Variants in ARID1A observed in about 807,000 individuals in gnomAD.
The protein encoded by ARID1A is AT-rich interactive domain-containing protein 1A.
In ARID1A, 20 loss-of-function variants were observed where a neutral mutation model predicts 212.6. The ratio of observed to expected loss-of-function variants is 0.09; its 90% CI spans 0.07 to 0.14. The LOEUF is 0.14. Among genes scored for constraint, ARID1A ranks in the 10% least tolerant of loss-of-function variants. ARID1A has a pLI of 1.00. For synonymous variants in ARID1A, 1,376 were observed against 1,222.1 expected (o/e 1.13, Z -2.63); for missense variants, 2,587 against 3,059.0 (o/e 0.85, Z 3.64).
intron 4 of ARID1A, among the ~76,000 whole-genome samples, chr1:26,738,345 T>C (rs1428343054): frequency 2.6e-5 from 4 of 152,106 alleles, no homozygotes; most frequent in Non-Finnish European, 5.9e-5. Flanking sequence ...TTAGCACCCA[T>C]ACTTCTTGTT....
intron 4 of ARID1A, among the ~76,000 whole-genome samples, chr1:26,747,095 G>T (rs78634538): frequency 6.6e-6 from 1 of 152,040 alleles, no homozygotes; most frequent in Non-Finnish European, 1.5e-5. Context: ...TAAATCAAGC[G>T]TAGAATTAGC....
chr1:26,773,201 T>C, intron 14 of ARID1A, 145 bp from the exon 15 acceptor site: 4 of 1,299,646 alleles, frequency 3.1e-6, no homozygotes, highest in South Asian at 3.0e-5. Context: ...TTTTCGCTGG[T>C]TGGGGCCTCT....
chr1:26,771,314 C>T lies in ARID1A; in HGVS notation c.3394C>T (p.Pro1132Ser), dbSNP rs2124098539. The T allele has an allele frequency of 6.2e-7, 1 of 1,614,170 alleles. No homozygotes were observed. Among genetic ancestry groups the T allele is most frequent in the Non-Finnish European group, 8.5e-7 (1 of 1,180,026 alleles). Residue 1132 changes from proline (P) to serine (S), a missense_variant, in exon 12 of 20, where the codon CCT becomes TCT. This residue lies in a region of ARID1A where 890 missense variants were observed against 1,098.2 expected (regional missense o/e 0.81). Transcript: ENST00000324856. The surrounding 1 kb of genome is among the most constrained non-coding windows in gnomAD (Gnocchi z 5.4). ...DSKKSQPKIQ[P>S]PSPAGSGSMQ... The stretch of plus-strand genomic sequence containing the variant: ...CAAGAAGTCCCAGCCCAAGATCCAG[C>T]CTCCCTCTCCTGGTAAGGATGGGGT...
chr1:26,696,651 G>A lies in ARID1A; in HGVS notation c.248G>A (p.Gly83Asp), dbSNP rs1220059056. 7.7e-7 allele frequency: 1 copy of A among 1,304,270 alleles called. No individual in the cohort carries two copies. Among genetic ancestry groups the A allele is most frequent in the Non-Finnish European group, 9.7e-7 (1 of 1,030,168 alleles). The allele number at this position is 1,304,270 out of a possible 1,614,324, so 80.8% of individuals were successfully genotyped here. The change falls in exon 1 of 20, where the codon GGC (glycine) becomes GAC (aspartate). Residue 83 changes from glycine (G) to aspartate (D), a missense_variant. Coordinates refer to ENST00000324856, the MANE Select transcript of ARID1A (RefSeq NM_006015.6). ...LQDGAESNGGGGGGGAGSGGG... is the reference protein window; with the variant it reads ...LQDGAESNGGDGGGGAGSGGG... ...GACGGGGCCGAGAGCAATGGGGGTG[G>A]CGGCGGCGGCGGAGCCGGCAGCGGC...
chr1:26,776,534 A>G (rs2081138002), intron 19 of ARID1A, among the ~76,000 whole-genome samples: 1 of 148,064 alleles, frequency 6.8e-6, no homozygotes, highest in African/African-American at 2.5e-5. Context: ...CAGCCTCCCA[A>G]AGTGCTGGGA....
At chr1:26,745,412 T>C (rs540282791) in intron 4 of ARID1A, among the ~76,000 whole-genome samples, 1 of 152,150 alleles carries the variant, frequency 6.6e-6, no homozygotes, top group Admixed American at 6.5e-5. Context: ...TTTGATCTAA[T>C]CTCATGAGTC....
intron 11 of ARID1A, chr1:26,769,701 A>G (rs932986616): frequency 6.6e-6 from 1 of 152,216 alleles, no homozygotes; most frequent in Non-Finnish European, 1.5e-5. Context: ...TCCTTTGTGT[A>G]TAGGGACTTG....
chr1:26,779,538 G>C lies in ARID1A; in HGVS notation c.5640G>C (p.Lys1880Asn), dbSNP rs2124141279. 1 of 1,614,154 alleles carries C rather than the reference G, an allele frequency of 6.2e-7. No homozygotes were observed. Among genetic ancestry groups the C allele is most frequent in the Non-Finnish European group, 8.5e-7 (1 of 1,180,028 alleles). Residue 1880 changes from lysine (K) to asparagine (N), a missense_variant, in exon 20 of 20, where the codon AAG becomes AAC. By Grantham distance (94) the Lys-to-Asn change is moderately conservative (BLOSUM62 0). Coordinates refer to ENST00000324856, the MANE Select transcript of ARID1A (RefSeq NM_006015.6). ...PHAPCPPAPR[K>N]HVTTAEGTPG... is the part of the protein sequence containing the mutation. Reference sequence around the variant, plus strand: ...CACCCTGCCCACCAGCCCCTCGGAAGCATGTGACAACAGCAGAGGGTACAC... The same window carrying C: ...CACCCTGCCCACCAGCCCCTCGGAACCATGTGACAACAGCAGAGGGTACAC...
intron 4 of ARID1A, among the ~76,000 whole-genome samples, chr1:26,741,038 C>T (rs549233124): frequency 6.6e-6 from 1 of 152,272 alleles, no homozygotes; most frequent in South Asian, 2.1e-4. Flanking sequence ...GAAACTGAAA[C>T]TTGGGTAAGA....
Position 26,763,210 on chromosome 1 carries a change from C to T in ARID1A, c.2657C>T (p.Pro886Leu), listed in dbSNP as rs2081008653. ...CAGGTTGGGTCAGGGATGTGTCCCCCACCAGGGGGCATGAACCGGAAAACC... is the reference window on the plus strand; with the variant it reads ...CAGGTTGGGTCAGGGATGTGTCCCCTACCAGGGGGCATGAACCGGAAAACC... ...PPQVGSGMCPPPGGMNRKTQE... is the reference protein window; with the variant it reads ...PPQVGSGMCPLPGGMNRKTQE... The change falls in exon 8 of 20, where the codon CCA (proline) becomes CTA (leucine). Residue 886 changes from proline (P) to leucine (L), a missense_variant. By Grantham distance (98) the Pro-to-Leu change is moderately conservative. Around this residue, in one of 11 missense-constraint regions of ARID1A, gnomAD observed 674 missense variants for 813.4 expected, o/e 0.83. Transcript: ENST00000324856. 1 of 1,614,056 alleles carries T rather than the reference C, an allele frequency of 6.2e-7. No individual in the cohort carries two copies. Among genetic ancestry groups the T allele is most frequent in the Non-Finnish European group, 8.5e-7 (1 of 1,179,886 alleles).
At chr1:26,749,140 C>T (rs989976236) in intron 4 of ARID1A, among the ~76,000 whole-genome samples, 1 of 151,954 alleles carries the variant, frequency 6.6e-6, no homozygotes, top group African/African-American at 2.4e-5. Context: ...ACTCCAGCCT[C>T]GGTGACAGAG....
rs2124788789 is a variant in ARID1A at position 26,731,332 on chromosome 1, C to A, written c.1531C>A (p.Leu511Ile). Reference protein sequence around the residue: ...QQQPQSQPPQLQSSQPPYSQQ... With the variant: ...QQQPQSQPPQIQSSQPPYSQQ... ...GCAGCCACAGTCTCAACCACCACAGCTCCAGTCCTCTCAGCCTCCATACTC... is the reference window on the plus strand; with the variant it reads ...GCAGCCACAGTCTCAACCACCACAGATCCAGTCCTCTCAGCCTCCATACTC... The change falls in exon 3 of 20, where the codon CTC becomes ATC. Residue 511 changes from leucine to isoleucine, a missense_variant. By Grantham distance (5) the Leu-to-Ile change is conservative. Coordinates refer to ENST00000324856, the MANE Select transcript of ARID1A (RefSeq NM_006015.6). The A allele has an allele frequency of 2.5e-6, 4 of 1,613,906 alleles. No individual in the cohort carries two copies. The highest frequency in any genetic ancestry group is 3.4e-6 in the Non-Finnish European group (4 of 1,179,982).
In ARID1A at chr1:26,773,455, A is replaced by G. The variant is rs2124111281; in HGVS notation, c.3825A>G (p.Pro1275=). The G allele has an allele frequency of 6.2e-7, 1 of 1,613,690 alleles. No individual in the cohort carries two copies. The highest frequency in any genetic ancestry group is 8.5e-7 in the Non-Finnish European group (1 of 1,179,796). Reference sequence around the variant, plus strand: ...GGCTAGGAAATGTGGCGATGGGACCACGACAGCACTATCCCTATGGAGGTC... The same window carrying G: ...GGCTAGGAAATGTGGCGATGGGACCGCGACAGCACTATCCCTATGGAGGTC... ...GPGLGNVAMG[P]RQHYPYGGPY... The change falls in exon 15 of 20, where the codon CCA becomes CCG. Residue 1275 remains proline (P), a synonymous_variant. Transcript: ENST00000324856.
chr1:26,704,586 G>C (rs559036716), intron 1 of ARID1A, among the ~76,000 whole-genome samples: 4 of 152,076 alleles, frequency 2.6e-5, no homozygotes, highest in Non-Finnish European at 5.9e-5. Context: ...GGCCGGGCGC[G>C]GTAGCTCACA....
rs397860721 is a variant in ARID1A at position 26,708,266 on chromosome 1, C to CTTTTTTTTTTTT, written c.1137+10751_1137+10762dup. On this transcript the variant is annotated intron_variant, in intron 1 of 19. Coordinates refer to ENST00000324856, the MANE Select transcript of ARID1A (RefSeq NM_006015.6). ...TCAGCCTTTAAGATACAGTCCTTCA[C>CTTTTTTTTTTTT]TTTTTTTTTTTTTTTTTTTTTTTTT... 1.6e-3 allele frequency among the ~76,000 whole-genome samples: 39 copies of CTTTTTTTTTTTT among 23,748 alleles called. 11 individuals are homozygous for CTTTTTTTTTTTT. Among genetic ancestry groups the CTTTTTTTTTTTT allele is most frequent in the South Asian group, 3.0e-3 (1 of 334 alleles). 15.6% of individuals were successfully genotyped at this position (23,748 alleles called of 152,430 possible).
intron 19 of ARID1A, chr1:26,775,912 C>T: frequency 1.3e-6 from 1 of 771,414 alleles, no homozygotes; most frequent in Non-Finnish European, 2.2e-6. Context: ...AACCTTAACA[C>T]AGGATTGACT....
In ARID1A at chr1:26,773,347, T is replaced by C; in HGVS notation, c.3717T>C (p.Ala1239=). Residue 1239 remains alanine (A), a splice_region_variant and synonymous_variant, in exon 15 of 20, where the codon GCT becomes GCC. Coordinates refer to ENST00000324856, the MANE Select transcript of ARID1A (RefSeq NM_006015.6). ...CACCGCTTGCCTTTCTACGCTCAGCTCCAGGGAGTGATCCCTTCATGTCCT... is the reference window on the plus strand; with the variant it reads ...CACCGCTTGCCTTTCTACGCTCAGCCCCAGGGAGTGATCCCTTCATGTCCT... The part of the protein sequence containing the change: ...NKDPYGSMRK[A]PGSDPFMSSG... 2.5e-6 allele frequency: 4 copies of C among 1,583,418 alleles called. No homozygotes were observed. Among genetic ancestry groups the C allele is most frequent in the Non-Finnish European group, 3.4e-6 (4 of 1,166,374 alleles).
chr1:26,696,441 T>G lies in ARID1A; in HGVS notation c.38T>G (p.Leu13Arg). ...AQVAPAAASS[L>R]GNPPPPPPSE... ...GTCGCCCCCGCCGCCGCCAGCAGCC[T>G]GGGCAACCCGCCGCCGCCGCCGCCC... The change falls in exon 1 of 20, where the codon CTG (leucine) becomes CGG (arginine). Residue 13 changes from leucine to arginine, a missense_variant. By Grantham distance (102) the Leu-to-Arg change is moderately radical. This residue lies in a region of ARID1A where 735 missense variants were observed against 590.6 expected (regional missense o/e 1.24). Transcript: ENST00000324856. 7.8e-7 allele frequency: 1 copy of G among 1,287,344 alleles called. No homozygotes were observed. Among genetic ancestry groups the G allele is most frequent in the Non-Finnish European group, 9.8e-7 (1 of 1,019,032 alleles). The allele number at this position is 1,287,344 out of a possible 1,614,324, so 79.7% of individuals were successfully genotyped here. A position where few individuals can be genotyped will look rare whatever the true frequency, so the allele number is the denominator to read the frequency against.
At chr1:26,768,499 C>T (rs1176906642) in intron 11 of ARID1A, among the ~76,000 whole-genome samples, 1 of 152,122 alleles carries the variant, frequency 6.6e-6, no homozygotes, top group African/African-American at 2.4e-5. Flanking sequence ...AGGTTTCTGC[C>T]ACATAAATCG....
Sources: allele counts gnomAD v4.1 joint callset (sites outside exome capture counted in the v4.1 genomes callset), GRCh38; gene constraint gnomAD v4.1.1; regional missense constraint gnomAD v4.1.1; non-coding constraint Gnocchi (gnomAD v3.1); transcripts MANE v1.5; gene names NCBI Gene and HGNC (gene_info 2026-07-23, HGNC 2026-07-21).